Variants in RNF182 observed in about 807,000 individuals in gnomAD.
RNF182 encodes the protein E3 ubiquitin-protein ligase RNF182.
Under a neutral mutation model 14.4 loss-of-function variants are expected in RNF182, and 15 were observed. That is an observed-to-expected ratio of 1.04 (90% CI 0.70 to 1.60). The LOEUF (loss-of-function observed/expected upper bound fraction) is 1.60, where lower values mean the gene tolerates loss of function less well. RNF182 is among the 40% of genes most tolerant of loss of function. The pLI is 0.00. For synonymous variants in RNF182, 128 were observed against 122.9 expected, an observed-to-expected ratio of 1.04 and a Z score of -0.27; for missense variants, 268 against 294.8, an observed-to-expected ratio of 0.91 and a Z score of 0.67.
chr6:13,966,826 G>A lies in RNF182; in HGVS notation c.-366-7384G>A, dbSNP rs547124861. Among the ~76,000 whole-genome samples the A allele has an allele frequency of 2.8e-3, 332 of 120,300 alleles. 4 individuals are homozygous for A. Among genetic ancestry groups the A allele is most frequent in the African/African-American group, 8.9e-3 (307 of 34,600 alleles). The allele number at this position is 120,300 out of a possible 152,430, so 78.9% of individuals were successfully genotyped here. ...GTAGTATGCTGTTTTGTGTGTGTGC[G>A]CGTGCGTGTGTGTGTGTGTGTGTGT... On this transcript the variant is annotated intron_variant, in intron 1 of 2. Transcript: ENST00000488300.
At position 13,979,726 on chromosome 6, in the gene RNF182, G is replaced by A. The variant is rs1032312335; in HGVS notation, c.*1863G>A. On this transcript the variant is annotated 3_prime_UTR_variant, in exon 3 of 3. Coordinates refer to ENST00000488300, the MANE Select transcript of RNF182 (RefSeq NM_152737.4). ...AAAAAATGTTCGTTTTGTTTGAAAT[G>A]TAACATTGAGTAAATTGGTGAGTTA... 1 of 166,878 alleles carries A rather than the reference G, an allele frequency of 6.0e-6. No individual in the cohort carries two copies. The highest frequency in any genetic ancestry group is 2.4e-5 in the African/African-American group (1 of 41,370). The allele number at this position is 166,878 out of a possible 1,614,324, so 10.3% of individuals were successfully genotyped here.
At chr6:13,967,314 CAAA>C (rs1411121060) in intron 1 of RNF182, among the ~76,000 whole-genome samples, 1 of 151,954 alleles carries the variant, frequency 6.6e-6, no homozygotes, top group Admixed American at 6.5e-5. Context: ...TATATAATGA[CAAA>C]AAGAGGCAGA....
At chr6:13,943,522 A>G (rs1351264886) in intron 1 of RNF182, among the ~76,000 whole-genome samples, 1 of 152,158 alleles carries the variant, frequency 6.6e-6, no homozygotes, top group Non-Finnish European at 1.5e-5. Context: ...TGCTAGTTAC[A>G]ACTTTGTACC....
At chr6:13,934,429 ACATCT>A (rs1759054302) in intron 1 of RNF182, among the ~76,000 whole-genome samples, 1 of 152,192 alleles carries the variant, frequency 6.6e-6, no homozygotes, top group Non-Finnish European at 1.5e-5. Context: ...TGTTTTAATG[ACATCT>A]GCTGGGTTTG....
Position 13,934,142 on chromosome 6 carries a change from A to T in RNF182, c.-367+9119A>T, listed in dbSNP as rs530300126. ...TTTAAATTAATTGAAATTAAATATG[A>T]TGTAGATTTCAGCTTCTTAGTTGCA... On this transcript the variant is annotated intron_variant, in intron 1 of 2. Transcript: ENST00000488300. Among the ~76,000 whole-genome samples, 31 of 152,360 alleles carry T rather than the reference A, an allele frequency of 2.0e-4. No homozygotes were observed. The South Asian group carries it at 6.2e-3, about 31-fold the overall frequency.
At chr6:13,945,337 A>G (rs1366494025) in intron 1 of RNF182, among the ~76,000 whole-genome samples, 1 of 152,250 alleles carries the variant, frequency 6.6e-6, no homozygotes, top group Non-Finnish European at 1.5e-5. Context: ...TGTATGTATC[A>G]AATGTGAAAC....
intron 1 of RNF182, among the ~76,000 whole-genome samples, chr6:13,959,505 C>A (rs745748234): frequency 7.2e-5 from 11 of 151,964 alleles, no homozygotes; most frequent in Non-Finnish European, 1.5e-4. Context: ...TATAGTGGGG[C>A]AAGATTAGAA....
intron 1 of RNF182, among the ~76,000 whole-genome samples, chr6:13,972,540 T>C (rs932037246): frequency 2.0e-5 from 3 of 151,834 alleles, no homozygotes; most frequent in Non-Finnish European, 4.4e-5. Context: ...GAAAAAATGG[T>C]TTTGTGGGCC....
At chr6:13,924,881 G>A (rs1758770787), upstream of RNF182, 1 of 147,162 alleles carries the variant, frequency 6.8e-6, no homozygotes, top group Admixed American at 6.7e-5. Flanking sequence ...CAGGGTCGGC[G>A]GCTCAGCGCC....
intron 1 of RNF182, among the ~76,000 whole-genome samples, chr6:13,955,546 G>T (rs1759705344): frequency 6.6e-6 from 1 of 152,130 alleles, no homozygotes; most frequent in South Asian, 2.1e-4. Flanking sequence ...AACATACTTG[G>T]TGTTTCAGTC....
At chr6:13,970,914 C>G (rs1398031599) in intron 1 of RNF182, among the ~76,000 whole-genome samples, 1 of 152,124 alleles carries the variant, frequency 6.6e-6, no homozygotes, top group Non-Finnish European at 1.5e-5. Context: ...CCCTTTCTTT[C>G]CTTTTTCGTT....
chr6:13,945,450 TTTA>T (rs1759414690), intron 1 of RNF182, among the ~76,000 whole-genome samples: 1 of 152,192 alleles, frequency 6.6e-6, no homozygotes, highest in Non-Finnish European at 1.5e-5. Flanking sequence ...TCAGAGCCCG[TTTA>T]GATGATTTTG....
chr6:13,950,936 AC>A (rs1172330565), intron 1 of RNF182, among the ~76,000 whole-genome samples: 1 of 151,496 alleles, frequency 6.6e-6, no homozygotes, highest in Non-Finnish European at 1.5e-5. Flanking sequence ...AGCTGGGACT[AC>A]AGTCGTGTGC....
intron 1 of RNF182, among the ~76,000 whole-genome samples, chr6:13,951,164 T>C (rs1345239061): frequency 1.3e-5 from 2 of 152,196 alleles, no homozygotes; most frequent in Non-Finnish European, 2.9e-5. Context: ...ACAACACATA[T>C]AAATACACGG....
At chr6:13,945,421 G>A (rs1759413832) in intron 1 of RNF182, among the ~76,000 whole-genome samples, 1 of 152,116 alleles carries the variant, frequency 6.6e-6, no homozygotes, top group South Asian at 2.1e-4. Context: ...AGGAGATGAT[G>A]GTACTTCAGC....
At chr6:13,938,375 A>T (rs280149) in intron 1 of RNF182, among the ~76,000 whole-genome samples, 27,551 of 151,866 alleles carry the variant, frequency 0.18, 2,703 homozygotes, top group Non-Finnish European at 0.21. Flanking sequence ...TCCTTTGTGC[A>T]ATGTATGTGT....
chr6:13,968,605 G>A (rs933500246), intron 1 of RNF182, among the ~76,000 whole-genome samples: 2 of 152,142 alleles, frequency 1.3e-5, no homozygotes, highest in African/African-American at 4.8e-5. Context: ...AAAGTCTAGA[G>A]ACCAATTTAA....
At position 13,979,233 on chromosome 6, in the gene RNF182, T is replaced by C. The variant is rs1238923058; in HGVS notation, c.*1370T>C. On this transcript the variant is annotated 3_prime_UTR_variant, in exon 3 of 3. Coordinates refer to ENST00000488300, the MANE Select transcript of RNF182 (RefSeq NM_152737.4). Reference sequence around the variant, plus strand: ...TGAATGTATATATTTCTAAGAAGAATTTGTTTAGCAGATTACAAGTTGGCA... The same window carrying C: ...TGAATGTATATATTTCTAAGAAGAACTTGTTTAGCAGATTACAAGTTGGCA... The C allele has an allele frequency of 6.0e-6, 1 of 166,548 alleles. No individual in the cohort carries two copies. The highest frequency in any genetic ancestry group is 2.4e-5 in the African/African-American group (1 of 41,438). 10.3% of individuals were successfully genotyped at this position (166,548 alleles called of 1,614,324 possible).
intron 1 of RNF182, among the ~76,000 whole-genome samples, chr6:13,963,263 C>T (rs1759925200): frequency 6.6e-6 from 1 of 152,110 alleles, no homozygotes; most frequent in Admixed American, 6.5e-5. Flanking sequence ...TGGACAGCTT[C>T]AAAGTTCATA....
Sources: allele counts gnomAD v4.1 joint callset (sites outside exome capture counted in the v4.1 genomes callset), GRCh38; gene constraint gnomAD v4.1.1; transcripts MANE v1.5; gene names NCBI Gene and HGNC (gene_info 2026-07-23, HGNC 2026-07-21).